Variants in ABHD17B observed in about 807,000 individuals in gnomAD.
The protein encoded by ABHD17B is abhydrolase domain containing 17B, depalmitoylase.
ABHD17B carries 9 observed loss-of-function variants against 26.2 expected under a neutral mutation model. That is an observed-to-expected ratio of 0.34 (90% confidence interval 0.21 to 0.60). The LOEUF (loss-of-function observed/expected upper bound fraction) is 0.60. Among genes scored for constraint, ABHD17B ranks in the 20% least tolerant of loss-of-function variants. ABHD17B has a pLI of 0.80. For missense variants in ABHD17B, 224 were observed against 352.1 expected (o/e 0.64, Z 2.91); for synonymous variants, 127 against 122.3 (o/e 1.04, Z -0.25).
At chr9:71,864,822 ACAGT>A (rs1427509180), downstream of ABHD17B, among the ~76,000 whole-genome samples, 1 of 152,174 alleles carries the variant, frequency 6.6e-6, no homozygotes, top group African/African-American at 2.4e-5. Context: ...CTATGAGGAC[ACAGT>A]CTGTCTTTAC....
intron 1 of ABHD17B, among the ~76,000 whole-genome samples, chr9:71,883,078 G>A (rs893288237): frequency 6.6e-6 from 1 of 152,156 alleles, no homozygotes; most frequent in Non-Finnish European, 1.5e-5. Context: ...GGGAGGCGGA[G>A]GTTGCCATGA....
intron 2 of ABHD17B, among the ~76,000 whole-genome samples, chr9:71,873,838 A>T (rs911783821): frequency 6.6e-6 from 1 of 152,200 alleles, no homozygotes; most frequent in Non-Finnish European, 1.5e-5. Context: ...CAGCCTAAAA[A>T]ATTTTTTTAA....
At chr9:71,863,348 A>G (rs976233934), downstream of ABHD17B, among the ~76,000 whole-genome samples, 3 of 152,216 alleles carry the variant, frequency 2.0e-5, no homozygotes, top group Admixed American at 2.0e-4. Context: ...AATTAGTTCC[A>G]TTAATTTCTA....
chr9:71,865,090 A>G (rs990050908), downstream of ABHD17B: 10 of 927,914 alleles, frequency 1.1e-5, no homozygotes, highest in Non-Finnish European at 1.3e-5. Context: ...ACGAAGGGTA[A>G]TTTTTTTTCA....
chr9:71,875,467 C>T (rs972095940), intron 1 of ABHD17B, among the ~76,000 whole-genome samples: 3 of 152,086 alleles, frequency 2.0e-5, no homozygotes, highest in Non-Finnish European at 4.4e-5. Context: ...TCAGGTGATT[C>T]ACCCACCTCG....
intron 3 of ABHD17B, among the ~76,000 whole-genome samples, chr9:71,869,101 C>T (rs1240761530): frequency 2.0e-5 from 3 of 152,160 alleles, no homozygotes; most frequent in African/African-American, 7.2e-5. Flanking sequence ...AGATACATCC[C>T]TATCATTTTT....
At chr9:71,877,149 G>A (rs1244089400) in intron 1 of ABHD17B, among the ~76,000 whole-genome samples, 1 of 152,150 alleles carries the variant, frequency 6.6e-6, no homozygotes, top group Non-Finnish European at 1.5e-5. Flanking sequence ...TACTATCCTG[G>A]TCAGGAGGAT....
intron 1 of ABHD17B, among the ~76,000 whole-genome samples, chr9:71,901,106 C>A (rs915527840): frequency 6.6e-6 from 1 of 152,060 alleles, no homozygotes; most frequent in Admixed American, 6.5e-5. Context: ...GAGCCGAGAT[C>A]GTGCCACTGC....
At chr9:71,862,699 CTTAAGAT>C (rs1564056681), downstream of ABHD17B, 1 of 530,506 alleles carries the variant, frequency 1.9e-6, no homozygotes, top group African/African-American at 5.0e-5. Context: ...AAAAATCACT[CTTAAGAT>C]TTTGTCATGT....
chr9:71,862,885 CACCTCAG>C (rs1825865162), downstream of ABHD17B, among the ~76,000 whole-genome samples: 1 of 151,902 alleles, frequency 6.6e-6, no homozygotes, highest in South Asian at 2.1e-4. Context: ...GTGGTCCTCC[CACCTCAG>C]ACTCTTAAGT....
At chr9:71,862,543 C>T, downstream of ABHD17B, 1 of 1,584,310 alleles carries the variant, frequency 6.3e-7, no homozygotes, top group Non-Finnish European at 8.6e-7. Context: ...TAATGGAATA[C>T]ATAGTACCGT....
chr9:71,897,320 T>TAA (rs34989713), intron 1 of ABHD17B, among the ~76,000 whole-genome samples: 144,557 of 152,176 alleles, frequency 0.95, 69,126 homozygotes, highest in East Asian at 1. Flanking sequence ...CACTTGAGCC[T>TAA]GAGTTCAAGA....
intron 1 of ABHD17B, among the ~76,000 whole-genome samples, chr9:71,880,558 C>A (rs1826409956): frequency 1.3e-5 from 2 of 151,786 alleles, no homozygotes; most frequent in Admixed American, 1.3e-4. Context: ...TGATAGAAAA[C>A]CAAAAGAATC....
chr9:71,892,403 G>A (rs897450616), intron 1 of ABHD17B, among the ~76,000 whole-genome samples: 2 of 151,696 alleles, frequency 1.3e-5, no homozygotes, highest in Admixed American at 1.3e-4. Flanking sequence ...CGTGGTGGCG[G>A]GCGCCTGTAG....
At chr9:71,910,034 T>C (rs1228448792) in intron 1 of ABHD17B, among the ~76,000 whole-genome samples, 3 of 152,034 alleles carry the variant, frequency 2.0e-5, no homozygotes, top group Non-Finnish European at 2.9e-5. Context: ...CTGATAAGCC[T>C]ACCTTAGAGT....
At chr9:71,880,650 T>C (rs963475867) in intron 1 of ABHD17B, among the ~76,000 whole-genome samples, 3 of 152,098 alleles carry the variant, frequency 2.0e-5, no homozygotes, top group African/African-American at 7.2e-5. Context: ...AGTTCAATGT[T>C]AGCTAGCATT....
At chr9:71,875,979 G>A (rs192929324) in intron 1 of ABHD17B, among the ~76,000 whole-genome samples, 38 of 152,270 alleles carry the variant, frequency 2.5e-4, no homozygotes, top group South Asian at 1.0e-3. Context: ...ATGTTACTGG[G>A]CTACACTGCC....
At chr9:71,881,110 C>G (rs1241860432) in intron 1 of ABHD17B, among the ~76,000 whole-genome samples, 3 of 149,016 alleles carry the variant, frequency 2.0e-5, no homozygotes, top group African/African-American at 7.3e-5. Context: ...AATAAAGCAA[C>G]AGTAATCAAG....
In ABHD17B at chr9:71,866,571, AAT is replaced by A; in HGVS notation, c.*214_*215del. The A allele has an allele frequency of 7.4e-7, 1 of 1,350,754 alleles. No homozygotes were observed. The highest frequency in any genetic ancestry group is 9.5e-7 in the Non-Finnish European group (1 of 1,053,212). The allele number at this position is 1,350,754 out of a possible 1,614,324, so 83.7% of individuals were successfully genotyped here. A position where few individuals can be genotyped will look rare whatever the true frequency, so the allele number is the denominator to read the frequency against. On this transcript the variant is annotated 3_prime_UTR_variant, in exon 4 of 4. Coordinates refer to ENST00000333421, the MANE Select transcript of ABHD17B (RefSeq NM_001025780.3). The stretch of plus-strand genomic sequence containing the variant: ...ATGTTAAAAAAAAATTCACAGAAAA[AAT>A]ATAAATTACACAGCCTGACTGCACG...
Sources: gnomAD v4.1 joint callset for allele counts (sites outside exome capture counted in the v4.1 genomes callset) on GRCh38, gnomAD v4.1.1 for gene constraint, MANE v1.5 for transcripts, NCBI Gene and HGNC (gene_info 2026-07-23, HGNC 2026-07-21) for gene names.